Variants in CFAP47 observed in about 807,000 individuals in gnomAD.
CFAP47 encodes cilia- and flagella-associated protein 47.
CFAP47 carries 29 observed loss-of-function variants against 148.1 expected under a neutral mutation model. That is an observed-to-expected ratio of 0.20 (90% CI 0.15 to 0.27). CFAP47 has a LOEUF of 0.27. Among genes scored for constraint, CFAP47 ranks in the 10% least tolerant of loss-of-function variants. The pLI is 1.00. For missense variants in CFAP47, 1,872 were observed against 1,697.5 expected (o/e 1.10, Z -1.81); for synonymous variants, 664 against 577.3 (o/e 1.15, Z -2.15).
At chrX:35,963,227 A>G (rs1380764198) in intron 8 of CFAP47, among the ~76,000 whole-genome samples, 4 of 110,341 alleles carry the variant, frequency 3.6e-5, no homozygotes, top group African/African-American at 1.3e-4. Context: ...AGACAGAATG[A>G]ATAAGTTCTG....
chrX:36,318,113 C>T (rs782099623), intron 56 of CFAP47, among the ~76,000 whole-genome samples: 2 of 111,824 alleles, frequency 1.8e-5, no homozygotes, highest in Non-Finnish European at 3.8e-5. Context: ...GAAGACTACA[C>T]GTTTAGAAAC....
intron 45 of CFAP47, among the ~76,000 whole-genome samples, chrX:36,212,139 T>C (rs1940109150): frequency 8.9e-6 from 1 of 112,245 alleles, no homozygotes; most frequent in Non-Finnish European, 1.9e-5. Context: ...AGAAACAGTT[T>C]CAGCTGTTTT....
chrX:36,267,735 C>A (rs968657230), intron 49 of CFAP47, among the ~76,000 whole-genome samples: 1 of 111,665 alleles, frequency 9.0e-6, no homozygotes, highest in Non-Finnish European at 1.9e-5. Flanking sequence ...GCCTTGGCCT[C>A]CCAAAGTGCT....
intron 8 of CFAP47, among the ~76,000 whole-genome samples, chrX:35,964,527 A>G (rs1049226088): frequency 9.0e-6 from 1 of 110,713 alleles, no homozygotes; most frequent in Non-Finnish European, 1.9e-5. Flanking sequence ...TTCATCTATT[A>G]TTTCTTCAAA....
At position 36,003,967 on chromosome X, in the gene CFAP47, C is replaced by CTTTTTTTTT. The variant is rs761024902; in HGVS notation, c.3417+2276_3417+2284dup. 6.0e-4 allele frequency among the ~76,000 whole-genome samples: 40 copies of CTTTTTTTTT among 66,371 alleles called. 1 individual carries two copies. The highest frequency in any genetic ancestry group is 2.0e-3 in the African/African-American group (30 of 14,829). 57.6% of individuals were successfully genotyped at this position (66,371 alleles called of 115,157 possible). A position where few individuals can be genotyped will look rare whatever the true frequency, so the allele number is the denominator to read the frequency against. On this transcript the variant is annotated intron_variant, in intron 21 of 63. Coordinates refer to ENST00000378653, the MANE Select transcript of CFAP47 (RefSeq NM_001304548.2). ...AAATCACTAGCATTTCTTTCTTTTT[C>CTTTTTTTTT]TTTTTTTTTTTTTTTTTTTTTTTTA...
chrX:36,172,114 T>C (rs1220421322), intron 39 of CFAP47, among the ~76,000 whole-genome samples: 1 of 106,936 alleles, frequency 9.4e-6, no homozygotes, highest in African/African-American at 3.4e-5. Context: ...GTCGTTGGTG[T>C]ATAAGAATGC....
At chrX:35,978,648 G>A (rs1936601359) in intron 15 of CFAP47, among the ~76,000 whole-genome samples, 1 of 111,559 alleles carries the variant, frequency 9.0e-6, no homozygotes, top group Non-Finnish European at 1.9e-5. Context: ...ATTGAAAAAA[G>A]TGTTTGTAAT....
At position 36,337,721 on chromosome X, in the gene CFAP47, G is replaced by A. The variant is rs1941617113; in HGVS notation, c.8444-10408G>A. Among the ~76,000 whole-genome samples, 3 of 110,826 alleles carry A rather than the reference G, an allele frequency of 2.7e-5. No individual in the cohort carries two copies. In the Admixed American group the frequency reaches 2.9e-4, roughly 11 times the overall value. ...TTAGCTTAATTTTATTTGCATCCATGTGCCTTGCCTTCCCTCACATTACAT... is the reference window on the plus strand; with the variant it reads ...TTAGCTTAATTTTATTTGCATCCATATGCCTTGCCTTCCCTCACATTACAT... On this transcript the variant is annotated intron_variant, in intron 57 of 63. Coordinates refer to ENST00000378653, the MANE Select transcript of CFAP47 (RefSeq NM_001304548.2).
intron 33 of CFAP47, among the ~76,000 whole-genome samples, chrX:36,120,566 T>C (rs765831799): frequency 1.3e-4 from 14 of 111,579 alleles, no homozygotes; most frequent in Non-Finnish European, 2.4e-4. Context: ...GTTGTTTCCA[T>C]TATAATTTAT....
At chrX:36,336,260 C>G (rs911575621) in intron 57 of CFAP47, among the ~76,000 whole-genome samples, 63 of 102,152 alleles carry the variant, frequency 6.2e-4, no homozygotes, top group African/African-American at 1.7e-3. Flanking sequence ...CACACACACA[C>G]ACACACACAC....
At position 35,948,720 on chromosome X, in the gene CFAP47, A is replaced by G. The variant is rs1320883224; in HGVS notation, c.656+268A>G. On this transcript the variant is annotated intron_variant, in intron 4 of 63. Coordinates refer to ENST00000378653, the MANE Select transcript of CFAP47 (RefSeq NM_001304548.2). ...AGGGAAGGGCTCCACTAACAAGGTG[A>G]TAGTTGAATCAAATACTTACTGGTG... Among the ~76,000 whole-genome samples the G allele has an allele frequency of 1.9e-4, 21 of 111,520 alleles. No individual in the cohort carries two copies. The Admixed American group carries it at 2.0e-3, about 11-fold the overall frequency.
intron 29 of CFAP47, among the ~76,000 whole-genome samples, chrX:36,076,553 T>C (rs1025880096): frequency 9.0e-6 from 1 of 110,825 alleles, no homozygotes; most frequent in African/African-American, 3.3e-5. Context: ...AAAGTGTCTG[T>C]TTATGTTATT....
chrX:36,374,673 C>T, intron 62 of CFAP47: 1 of 328,224 alleles, frequency 3.0e-6, no homozygotes, highest in East Asian at 5.3e-5. Context: ...ATAAGATTTC[C>T]TCTTAATACT....
At chrX:35,993,857 G>A (rs145603358) in intron 18 of CFAP47, among the ~76,000 whole-genome samples, 1 of 111,544 alleles carries the variant, frequency 9.0e-6, no homozygotes, top group Admixed American at 9.5e-5. Flanking sequence ...TAATTCTAAA[G>A]AGTCTTAATA....
chrX:36,291,327 G>T (rs2146951221), intron 51 of CFAP47, among the ~76,000 whole-genome samples: 1 of 111,795 alleles, frequency 8.9e-6, no homozygotes, highest in East Asian at 2.8e-4. Context: ...CTGTATTTCT[G>T]AGTGAAGTAG....
chrX:36,062,665 A>G (rs1937603900), intron 26 of CFAP47, among the ~76,000 whole-genome samples: 1 of 111,380 alleles, frequency 9.0e-6, no homozygotes, highest in Non-Finnish European at 1.9e-5. Flanking sequence ...CCAGCATAGG[A>G]AAATCCGTAG....
intron 48 of CFAP47, 146 bp downstream of exon 48, chrX:36,237,005 A>G (rs1487320736): frequency 3.7e-5 from 14 of 375,387 alleles, no homozygotes; most frequent in Non-Finnish European, 6.5e-5. Flanking sequence ...AATCCTACCT[A>G]TTATTAGTCC....
rs782592624 is a variant in CFAP47, at chrX:36,375,194, C to T, written c.9186-4156C>T. 110 of 264,441 alleles carry T rather than the reference C, an allele frequency of 4.2e-4. 1 individual carries two copies. In the Admixed American group the frequency reaches 4.5e-3, roughly 11 times the overall value. The allele number at this position is 264,441 out of a possible 1,213,427, so 21.8% of individuals were successfully genotyped here. ...ATTCATGAGCACCATTGTGGCAATG[C>T]GGAAAGATGGCGGAAAGAGAATGGG... On this transcript the variant is annotated intron_variant, in intron 62 of 63. Transcript: ENST00000378653.
At chrX:36,113,083 C>G (rs1226075469) in intron 33 of CFAP47, among the ~76,000 whole-genome samples, 1 of 111,663 alleles carries the variant, frequency 9.0e-6, no homozygotes, top group Non-Finnish European at 1.9e-5. Context: ...GCGTATAGCC[C>G]TCTTACATTC....
Sources: allele counts gnomAD v4.1 joint callset (sites outside exome capture counted in the v4.1 genomes callset), GRCh38; gene constraint gnomAD v4.1.1; transcripts MANE v1.5; gene names NCBI Gene and HGNC (gene_info 2026-07-23, HGNC 2026-07-21).